Variants in ARHGEF3 observed in about 807,000 individuals in gnomAD.
ARHGEF3 encodes the protein Rho guanine nucleotide exchange factor 3, also known as 59.8 kDA protein.
A neutral mutation model predicts 63.2 loss-of-function variants in ARHGEF3; 28 were observed. The ratio of observed to expected loss-of-function variants is 0.44; its 90% CI spans 0.33 to 0.61. The LOEUF (loss-of-function observed/expected upper bound fraction) is 0.61, where lower values mean the gene tolerates loss of function less well. Among genes scored for constraint, ARHGEF3 ranks in the 20% least tolerant of loss-of-function variants. The probability of loss-of-function intolerance (pLI) is 0.03; values close to 1 mark genes in which losing one functional copy is unlikely to be tolerated. For missense variants in ARHGEF3, 533 were observed against 659.3 expected, an observed-to-expected ratio of 0.81 and a Z score of 2.10; for synonymous variants, 266 against 254.2, an observed-to-expected ratio of 1.05 and a Z score of -0.44.
chr3:56,741,739 T>G (rs1421677132), intron 7 of ARHGEF3, among the ~76,000 whole-genome samples: 3 of 146,192 alleles, frequency 2.1e-5, no homozygotes, highest in African/African-American at 7.6e-5. Flanking sequence ...TCCTGACCTC[T>G]TGATCTGCCC....
chr3:56,735,253 C>T (rs994228570), intron 8 of ARHGEF3, among the ~76,000 whole-genome samples: 4 of 152,170 alleles, frequency 2.6e-5, no homozygotes, highest in African/African-American at 9.7e-5. Context: ...CACTGCACTC[C>T]AGCCTGGGCA....
At chr3:56,995,620 CGAGAGAGA>C (rs66778716) in intron 2 of ARHGEF3, among the ~76,000 whole-genome samples, 6,633 of 113,022 alleles carry the variant, frequency 0.059, 190 homozygotes, top group Middle Eastern at 0.079. Context: ...GTAAATTTTC[CGAGAGAGA>C]GAGAGAGAGA....
intron 1 of ARHGEF3, among the ~76,000 whole-genome samples, chr3:57,072,681 G>A (rs1705980253): frequency 6.8e-6 from 1 of 146,934 alleles, no homozygotes; most frequent in Non-Finnish European, 1.5e-5. Context: ...GGCAGAGGTT[G>A]CAGTGAGCTG....
chr3:56,773,499 C>G (rs1450184258), intron 2 of ARHGEF3, among the ~76,000 whole-genome samples: 1 of 152,080 alleles, frequency 6.6e-6, no homozygotes, highest in African/African-American at 2.4e-5. Flanking sequence ...GGGGAAAGGC[C>G]CAACCACAAC....
chr3:56,754,552 G>A (rs960139281), intron 3 of ARHGEF3, among the ~76,000 whole-genome samples: 1 of 152,132 alleles, frequency 6.6e-6, no homozygotes, highest in Admixed American at 6.5e-5. Context: ...TATTATCAGA[G>A]TCATTTAGGG....
chr3:56,771,668 AAT>A (rs1266109418), intron 2 of ARHGEF3, among the ~76,000 whole-genome samples: 1 of 152,198 alleles, frequency 6.6e-6, no homozygotes, highest in African/African-American at 2.4e-5. Flanking sequence ...GGAACATAGC[AAT>A]ATGAGGGCAA....
At chr3:56,789,898 C>G (rs553269456) in intron 1 of ARHGEF3, among the ~76,000 whole-genome samples, 43 of 152,284 alleles carry the variant, frequency 2.8e-4, no homozygotes, top group African/African-American at 9.1e-4. Flanking sequence ...TAAAGACACA[C>G]TAATTCCAAG....
intron 3 of ARHGEF3, among the ~76,000 whole-genome samples, chr3:56,892,590 C>CTA (rs34525482): frequency 0.1 from 15,916 of 152,150 alleles, 1,036 homozygotes; most frequent in Non-Finnish European, 0.15. Context: ...AAAATATTAT[C>CTA]TATATATATG....
At chr3:56,764,214 T>C (rs2035575844) in intron 2 of ARHGEF3, among the ~76,000 whole-genome samples, 1 of 152,242 alleles carries the variant, frequency 6.6e-6, no homozygotes, top group Non-Finnish European at 1.5e-5. Flanking sequence ...AGAGAAAATA[T>C]TATACAATTT....
intron 2 of ARHGEF3, among the ~76,000 whole-genome samples, chr3:56,996,322 T>G (rs1433235650): frequency 6.6e-6 from 1 of 152,162 alleles, no homozygotes; most frequent in African/African-American, 2.4e-5. Flanking sequence ...AGCTTCTAAA[T>G]CTCAAATATA....
chr3:56,797,325 AG>A (rs1169678889), intron 1 of ARHGEF3, among the ~76,000 whole-genome samples: 3 of 152,208 alleles, frequency 2.0e-5, no homozygotes, highest in African/African-American at 7.2e-5. Context: ...TGCATTCTTA[AG>A]GACCAAGATT....
rs560520345 is a variant in ARHGEF3 at position 56,938,923 on chromosome 3, A to G, written c.129+19900T>C. ...ACATTTGGACATTGCGAAGCCCAGG[A>G]CTCAGGTAGTGTGGTCCTTCCATCC... On this transcript the variant is annotated intron_variant, in intron 3 of 12. Transcript: ENST00000338458. 8 of 152,304 alleles carry G rather than the reference A, an allele frequency of 5.3e-5. No individual in the cohort carries two copies. In the East Asian group the frequency reaches 1.2e-3, roughly 22 times the overall value. The allele number at this position is 152,304 out of a possible 1,614,324, so 9.4% of individuals were successfully genotyped here. A position where few individuals can be genotyped will look rare whatever the true frequency, so the allele number is the denominator to read the frequency against.
Position 56,732,385 on chromosome 3 carries a change from T to A in ARHGEF3, c.1081A>T (p.Thr361Ser). 6.2e-7 allele frequency: 1 copy of A among 1,613,970 alleles called. No individual in the cohort carries two copies. Among genetic ancestry groups the A allele is most frequent in the Non-Finnish European group, 8.5e-7 (1 of 1,180,010 alleles). The change falls in exon 9 of 10, where the codon ACT becomes TCT. Residue 361 changes from threonine (T) to serine (S), a missense_variant. Thr to Ser is a moderately conservative substitution (Grantham distance 58). This residue lies in a region of ARHGEF3 where 151 missense variants were observed against 190.7 expected (regional missense o/e 0.79). Transcript: ENST00000296315. The part of the protein sequence containing the change: ...VFLFQEVLVI[T>S]RAVTHNEQLC... The stretch of plus-strand genomic sequence containing the variant: ...TGCTCATTGTGGGTGACGGCTCGAG[T>A]GATCACAAGCACTTCTTGGAACAGG...
chr3:56,766,140 T>C (rs938894690), intron 2 of ARHGEF3, among the ~76,000 whole-genome samples: 3 of 152,186 alleles, frequency 2.0e-5, no homozygotes, highest in African/African-American at 7.2e-5. Context: ...ACAACTTTTA[T>C]CAAGTAGAAC....
At chr3:56,916,376 G>T (rs941754110) in intron 3 of ARHGEF3, 3 of 1,533,150 alleles carry the variant, frequency 2.0e-6, no homozygotes, top group Non-Finnish European at 2.6e-6. Context: ...GGACTCACCG[G>T]CTCCTAACTG....
intron 4 of ARHGEF3, among the ~76,000 whole-genome samples, chr3:56,821,357 C>T (rs2038487266): frequency 6.6e-6 from 1 of 152,084 alleles, no homozygotes; most frequent in African/African-American, 2.4e-5. Context: ...ATCCTCTCTA[C>T]TTTTCCAGTA....
intron 3 of ARHGEF3, among the ~76,000 whole-genome samples, chr3:56,921,858 G>C (rs574423695): frequency 2.0e-5 from 3 of 152,340 alleles, no homozygotes; most frequent in African/African-American, 7.2e-5. Flanking sequence ...TTCATCTATG[G>C]TTTCAACACA....
intron 2 of ARHGEF3, among the ~76,000 whole-genome samples, chr3:56,964,034 A>C (rs898840663): frequency 4.6e-5 from 7 of 152,114 alleles, no homozygotes; most frequent in Non-Finnish European, 1.0e-4. Flanking sequence ...CCAACTCTTT[A>C]TTTCCTCATA....
At chr3:56,765,395 A>C (rs1249391556) in intron 2 of ARHGEF3, among the ~76,000 whole-genome samples, 2 of 152,128 alleles carry the variant, frequency 1.3e-5, no homozygotes, top group South Asian at 2.1e-4. Context: ...ATTACAAGAC[A>C]GTCTGGTTTC....
Sources: allele counts gnomAD v4.1 joint callset (sites outside exome capture counted in the v4.1 genomes callset), GRCh38; gene constraint gnomAD v4.1.1; regional missense constraint gnomAD v4.1.1; transcripts MANE v1.5; gene names NCBI Gene and HGNC (gene_info 2026-07-23, HGNC 2026-07-21).